GPSM1: variants seen among roughly 807,000 people sequenced by gnomAD.
GPSM1 encodes the protein G protein-signaling modulator 1.
GPSM1 carries 48 observed loss-of-function variants against 70.5 expected under a neutral mutation model. The ratio of observed to expected loss-of-function variants is 0.68; its 90% CI spans 0.54 to 0.87. GPSM1 has a LOEUF of 0.87. Among genes scored for constraint, GPSM1 ranks in the 40% least tolerant of loss-of-function variants. The pLI is 0.00. For missense variants in GPSM1, 981 were observed against 972.6 expected (o/e 1.01, Z -0.11); for synonymous variants, 416 against 430.1 (o/e 0.97, Z 0.41).
chr9:136,352,286 TGCTGCGCCGTTGCTGTTGGTG>T (rs1554772285), intron 11 of GPSM1, among the ~76,000 whole-genome samples: 3 of 139,652 alleles, frequency 2.1e-5, no homozygotes, highest in African/African-American at 5.3e-5. Context: ...GTGACACCGA[TGCTGCGCCGTTGCTGTTGGTG>T]ACACCGATGC....
At chr9:136,347,269 G>C (rs1363711521) in intron 9 of GPSM1, among the ~76,000 whole-genome samples, 5 of 152,188 alleles carry the variant, frequency 3.3e-5, no homozygotes, top group African/African-American at 1.2e-4. Flanking sequence ...GCCAGGACTG[G>C]ATTCTCAGAG....
Position 136,343,713 on chromosome 9 carries a change from C to T in GPSM1, c.1207+2720C>T, listed in dbSNP as rs1280580071. Among the ~76,000 whole-genome samples the T allele has an allele frequency of 5.3e-5, 8 of 152,224 alleles. No individual in the cohort carries two copies. The highest frequency in any genetic ancestry group is 1.5e-5 in the Non-Finnish European group (1 of 68,034). ...CTGGGGAACGGGCCCATCAGTAGTG[C>T]TGGGAACAGAGCTTGGCAGGGGTGA... is the stretch of plus-strand genomic sequence containing the variant. On this transcript the variant is annotated intron_variant, in intron 9 of 13. Coordinates refer to ENST00000440944, the MANE Select transcript of GPSM1 (RefSeq NM_001145638.3). This position sits in a 1 kb window ranked among gnomAD's most constrained non-coding sequence, Gnocchi z 6.0.
intron 9 of GPSM1, among the ~76,000 whole-genome samples, chr9:136,347,877 C>T (rs556516736): frequency 6.6e-6 from 1 of 152,136 alleles, no homozygotes; most frequent in African/African-American, 2.4e-5. Context: ...CAGGGCTGAG[C>T]GACACCCGTC....
At chr9:136,337,412 G>T in intron 4 of GPSM1, 29 bp from the exon 5 acceptor site, 1 of 1,563,632 alleles carries the variant, frequency 6.4e-7, no homozygotes, top group Non-Finnish European at 8.7e-7. Flanking sequence ...GGCTGGGAGG[G>T]ACACGGCTCA....
chr9:136,349,956 C>A (rs1416805172), intron 11 of GPSM1, among the ~76,000 whole-genome samples, 193 bp downstream of exon 11: 2 of 152,222 alleles, frequency 1.3e-5, no homozygotes, highest in East Asian at 1.9e-4. Flanking sequence ...CAGTGTTTAG[C>A]ATTGTGGTCG....
rs1832345863 is a variant in GPSM1 at position 136,339,919 on chromosome 9, T to A, written c.1083+104T>A. On this transcript the variant is annotated intron_variant, in intron 8 of 13. Coordinates refer to ENST00000440944, the MANE Select transcript of GPSM1 (RefSeq NM_001145638.3). The stretch of plus-strand genomic sequence containing the variant: ...GAGCGTGTGCGTGCCTGGGCCCCCC[T>A]CATCCTTTCAGGGCCATTGCAGCTG... 7 of 723,786 alleles carry A rather than the reference T, an allele frequency of 9.7e-6. No homozygotes were observed. The Admixed American group carries it at 1.5e-4, about 16-fold the overall frequency. The allele number at this position is 723,786 out of a possible 1,614,324, so 44.8% of individuals were successfully genotyped here.
rs1832362467 is a variant in GPSM1 at position 136,340,548 on chromosome 9, C to A, written c.1084-322C>A. Among the ~76,000 whole-genome samples, 1 of 152,082 alleles carries A rather than the reference C, an allele frequency of 6.6e-6. No individual in the cohort carries two copies. Among genetic ancestry groups the A allele is most frequent in the Non-Finnish European group, 1.5e-5 (1 of 68,000 alleles). On this transcript the variant is annotated intron_variant, in intron 8 of 13. Transcript: ENST00000440944. The surrounding 1 kb of genome is among the most constrained non-coding windows in gnomAD (Gnocchi z 7.3). ...AGAGCCTCGGCGCACAAGGCAGGGG[C>A]TGAGAGAGGTGCAGCCGGGCGGGGC... is the stretch of plus-strand genomic sequence containing the variant.
rs1554770489 is a variant in GPSM1 at position 136,342,549 on chromosome 9, G to GC, written c.1207+1558dup. Among the ~76,000 whole-genome samples the GC allele has an allele frequency of 6.6e-6, 1 of 152,162 alleles. No individual in the cohort carries two copies. The highest frequency in any genetic ancestry group is 1.5e-5 in the Non-Finnish European group (1 of 68,006). On this transcript the variant is annotated intron_variant, in intron 9 of 13. Transcript: ENST00000440944. This position sits in a 1 kb window ranked among gnomAD's most constrained non-coding sequence, Gnocchi z 5.5. The stretch of plus-strand genomic sequence containing the variant: ...AGGGCAGCCCGGCAGCCTGGCTGGG[G>GC]CCGCCGCCCGGCTGCCGCTGTGGGA...
chr9:136,344,577 A>T (rs1832476265), intron 9 of GPSM1, among the ~76,000 whole-genome samples: 2 of 152,100 alleles, frequency 1.3e-5, no homozygotes, highest in Non-Finnish European at 2.9e-5. Flanking sequence ...CATTCTCATG[A>T]CCTCATGTAA....
At chr9:136,339,903 C>T (rs1554769915) in intron 8 of GPSM1, 88 bp downstream of exon 8, 5 of 750,278 alleles carry the variant, frequency 6.7e-6, no homozygotes, top group Admixed American at 4.5e-5. Context: ...CGAGCGTGTG[C>T]GTGCCTGGGC....
rs1332254249 is a variant in GPSM1, at chr9:136,343,507, A to T, written c.1207+2514A>T. ...GCTCAGGGCGTTGTGAGCACGGTAC[A>T]CAAGAGTTACTGGGGGAGCATGCCA... is the stretch of plus-strand genomic sequence containing the variant. On this transcript the variant is annotated intron_variant, in intron 9 of 13. Coordinates refer to ENST00000440944, the MANE Select transcript of GPSM1 (RefSeq NM_001145638.3). This position sits in a 1 kb window ranked among gnomAD's most constrained non-coding sequence, Gnocchi z 6.0. 6.6e-6 allele frequency among the ~76,000 whole-genome samples: 1 copy of T among 152,114 alleles called. No homozygotes were observed. Among genetic ancestry groups the T allele is most frequent in the African/African-American group, 2.4e-5 (1 of 41,374 alleles).
chr9:136,357,632 C>A (rs1564360145), intron 13 of GPSM1, among the ~76,000 whole-genome samples: 1 of 152,238 alleles, frequency 6.6e-6, no homozygotes, highest in Non-Finnish European at 1.5e-5. Flanking sequence ...TGCTGGTTTC[C>A]AGGGCTGGGC....
chr9:136,340,998 G>C lies in GPSM1; in HGVS notation c.1207+5G>C. 6.4e-7 allele frequency: 1 copy of C among 1,566,552 alleles called. No homozygotes were observed. The highest frequency in any genetic ancestry group is 8.6e-7 in the Non-Finnish European group (1 of 1,156,132). On this transcript the variant is annotated splice_donor_5th_base_variant and intron_variant, in intron 9 of 13. Coordinates refer to ENST00000440944, the MANE Select transcript of GPSM1 (RefSeq NM_001145638.3). This position sits in a 1 kb window ranked among gnomAD's most constrained non-coding sequence, Gnocchi z 7.3. ...TGGCCGGCTATGAGGCCCAGGGTGA[G>C]TTCCAGGGTTGTGGGGGGGTCTTGC...
chr9:136,357,948 T>G (rs1832881567), intron 13 of GPSM1, 66 bp from the exon 14 acceptor site: 2 of 1,321,484 alleles, frequency 1.5e-6, no homozygotes, highest in Non-Finnish European at 2.2e-6. Context: ...GAACCACCGC[T>G]GCTGACCAGC....
intron 1 of GPSM1, among the ~76,000 whole-genome samples, chr9:136,333,704 G>A (rs1469467864): frequency 6.6e-6 from 1 of 152,202 alleles, no homozygotes; most frequent in Non-Finnish European, 1.5e-5. Flanking sequence ...TCTTCCCACA[G>A]CAGCGCTGGG....
At chr9:136,334,384 G>A in intron 1 of GPSM1, 63 bp from the exon 2 acceptor site, 2 of 1,259,238 alleles carry the variant, frequency 1.6e-6, no homozygotes, top group African/African-American at 1.5e-5. Context: ...AAGCCACGGA[G>A]GTGCTCCGGC....
intron 13 of GPSM1, among the ~76,000 whole-genome samples, chr9:136,357,400 C>T (rs978532223): frequency 6.6e-6 from 1 of 152,222 alleles, no homozygotes. Context: ...ACCCAAGAGG[C>T]CCAGAGTCCC....
At position 136,343,715 on chromosome 9, in the gene GPSM1, G is replaced by A. The variant is rs575547247; in HGVS notation, c.1207+2722G>A. On this transcript the variant is annotated intron_variant, in intron 9 of 13. Coordinates refer to ENST00000440944, the MANE Select transcript of GPSM1 (RefSeq NM_001145638.3). The surrounding 1 kb of genome is among the most constrained non-coding windows in gnomAD (Gnocchi z 6.0). ...GGGGAACGGGCCCATCAGTAGTGCTGGGAACAGAGCTTGGCAGGGGTGAGA... is the reference window on the plus strand; with the variant it reads ...GGGGAACGGGCCCATCAGTAGTGCTAGGAACAGAGCTTGGCAGGGGTGAGA... Among the ~76,000 whole-genome samples the A allele has an allele frequency of 2.0e-5, 3 of 152,352 alleles. No homozygotes were observed. Among genetic ancestry groups the A allele is most frequent in the South Asian group, 4.1e-4 (2 of 4,830 alleles).
rs141715644 is a variant in GPSM1 at position 136,357,841 on chromosome 9, C to T, written c.1822-173C>T. Among the ~76,000 whole-genome samples the T allele has an allele frequency of 5.5e-3, 831 of 152,302 alleles. 1 individual carries two copies. Among genetic ancestry groups the T allele is most frequent in the Non-Finnish European group, 9.0e-3 (613 of 68,014 alleles). On this transcript the variant is annotated intron_variant, in intron 13 of 13. Transcript: ENST00000440944. ...CCACCAGAAGACTGCGCTCAGGGCC[C>T]GGGCTCCCAGCACAAGACCCCAGAG...
Sources: gnomAD v4.1 joint callset for allele counts (sites outside exome capture counted in the v4.1 genomes callset) on GRCh38, gnomAD v4.1.1 for gene constraint, Gnocchi (gnomAD v3.1) non-coding constraint, MANE v1.5 for transcripts, NCBI Gene and HGNC (gene_info 2026-07-23, HGNC 2026-07-21) for gene names.